The following PITPNC1 variants were observed in gnomAD, a reference collection of about 807,000 sequenced individuals.
The protein encoded by PITPNC1 is phosphatidylinositol transfer protein cytoplasmic 1, also known as cytoplasmic phosphatidylinositol transfer protein 1.
Under a neutral mutation model 44.7 loss-of-function variants are expected in PITPNC1, and 18 were observed. The ratio of observed to expected loss-of-function variants is 0.40; its 90% CI spans 0.28 to 0.60. The LOEUF (loss-of-function observed/expected upper bound fraction) is 0.60, where lower values mean the gene tolerates loss of function less well. Ranked by LOEUF, PITPNC1 falls within the 20% of genes least tolerant of loss-of-function variation. The pLI is 0.39. For missense variants in PITPNC1, 290 were observed against 418.4 expected, an observed-to-expected ratio of 0.69 and a Z score of 2.68; for synonymous variants, 141 against 149.6, an observed-to-expected ratio of 0.94 and a Z score of 0.42.
rs991766644 is a variant in PITPNC1 at position 67,511,634 on chromosome 17, G to A, written c.49-21168G>A. Among the ~76,000 whole-genome samples the A allele has an allele frequency of 2.0e-5, 3 of 152,030 alleles. No homozygotes were observed. The East Asian group carries it at 5.8e-4, about 29-fold the overall frequency. ...AGTGATTCTCCTGCTTCAGCCTCCC[G>A]AGTAGCTGGGATTACAGGCACTCAC... On this transcript the variant is annotated intron_variant, in intron 1 of 8. Coordinates refer to ENST00000581322, the MANE Select transcript of PITPNC1 (RefSeq NM_012417.4).
chr17:67,611,168 G>C (rs972561630), intron 5 of PITPNC1: 1 of 152,212 alleles, frequency 6.6e-6, no homozygotes, highest in African/African-American at 2.4e-5. Context: ...GATACTAGAA[G>C]AAGGTCTGAG....
intron 5 of PITPNC1, among the ~76,000 whole-genome samples, chr17:67,582,646 A>G (rs1470920185): frequency 6.6e-6 from 1 of 152,154 alleles, no homozygotes; most frequent in Admixed American, 6.5e-5. Flanking sequence ...TAAAACCAGT[A>G]TACGTATGAT....
chr17:67,424,304 A>G (rs1432768234), intron 1 of PITPNC1, among the ~76,000 whole-genome samples: 2 of 152,108 alleles, frequency 1.3e-5, no homozygotes, highest in African/African-American at 2.4e-5. Context: ...TGTAGGCACT[A>G]TGTCACCATC....
chr17:67,585,089 C>T (rs940266772), intron 5 of PITPNC1, among the ~76,000 whole-genome samples: 1 of 140,902 alleles, frequency 7.1e-6, no homozygotes, highest in Non-Finnish European at 1.5e-5. Flanking sequence ...GCACTCCAGA[C>T]TGAGCAACAA....
chr17:67,385,268 C>G (rs2038024882), intron 1 of PITPNC1, among the ~76,000 whole-genome samples: 1 of 152,192 alleles, frequency 6.6e-6, no homozygotes, highest in South Asian at 2.1e-4. Flanking sequence ...CTGTGGCTAG[C>G]TAGCGGTTTC....
chr17:67,486,681 A>G (rs1457599452), intron 1 of PITPNC1, among the ~76,000 whole-genome samples: 3 of 152,128 alleles, frequency 2.0e-5, no homozygotes. Flanking sequence ...GAATCTGTAG[A>G]CACATAACGA....
At chr17:67,431,062 C>CTT (rs6146118) in intron 1 of PITPNC1, among the ~76,000 whole-genome samples, 2,654 of 132,994 alleles carry the variant, frequency 0.02, 99 homozygotes, top group African/African-American at 0.051. Context: ...GTTACTGTTT[C>CTT]TTTTTTTTTT....
At chr17:67,448,660 T>A (rs1028531973) in intron 1 of PITPNC1, among the ~76,000 whole-genome samples, 1 of 152,230 alleles carries the variant, frequency 6.6e-6, no homozygotes, top group African/African-American at 2.4e-5. Flanking sequence ...CTTCCAGTCT[T>A]TCCTGTGGGC....
At chr17:67,471,753 A>G (rs566611523) in intron 1 of PITPNC1, among the ~76,000 whole-genome samples, 2 of 152,064 alleles carry the variant, frequency 1.3e-5, no homozygotes, top group East Asian at 2.0e-4. Context: ...ACTAATTATG[A>G]TACATTTATC....
chr17:67,576,352 G>T (rs779488417), intron 4 of PITPNC1, among the ~76,000 whole-genome samples: 1 of 152,094 alleles, frequency 6.6e-6, no homozygotes, highest in African/African-American at 2.4e-5. Flanking sequence ...TTTAAAGCAG[G>T]GGGGGATGGT....
intron 1 of PITPNC1, among the ~76,000 whole-genome samples, chr17:67,419,924 A>G (rs1416868959): frequency 1.3e-5 from 2 of 152,042 alleles, no homozygotes; most frequent in Non-Finnish European, 2.9e-5. Context: ...CTCAAAAAAA[A>G]AAAGAGAGAG....
chr17:67,599,080 A>T (rs1290454547), intron 5 of PITPNC1, among the ~76,000 whole-genome samples: 1 of 125,768 alleles, frequency 8.0e-6, no homozygotes, highest in Non-Finnish European at 1.6e-5. Context: ...CTGGTCTTGA[A>T]CTCCTGACTT....
intron 1 of PITPNC1, among the ~76,000 whole-genome samples, chr17:67,425,195 A>T (rs12449570): frequency 8.6e-6 from 1 of 116,484 alleles, no homozygotes. Context: ...GTGCGCGCGC[A>T]CGCACACGCA....
At position 67,459,208 on chromosome 17, in the gene PITPNC1, G is replaced by T. The variant is rs950486882; in HGVS notation, c.49-73594G>T. Among the ~76,000 whole-genome samples the T allele has an allele frequency of 2.8e-5, 4 of 142,586 alleles. No homozygotes were observed. The Admixed American group carries it at 3.0e-4, about 11-fold the overall frequency. The allele number at this position is 142,586 out of a possible 152,430, so 93.5% of individuals were successfully genotyped here. ...TCTTGGCTCACTGCATCCTCCGCCT[G>T]CCAGGTTCAAGCGATTCTCCTGCCT... On this transcript the variant is annotated intron_variant, in intron 1 of 8. Transcript: ENST00000581322.
At chr17:67,560,984 G>A (rs1399061038) in intron 4 of PITPNC1, among the ~76,000 whole-genome samples, 1 of 152,078 alleles carries the variant, frequency 6.6e-6, no homozygotes. Context: ...TTTTCCACTT[G>A]CAGTACTGAA....
intron 1 of PITPNC1, among the ~76,000 whole-genome samples, chr17:67,467,265 G>A (rs547615425): frequency 6.6e-6 from 1 of 152,048 alleles, no homozygotes; most frequent in Admixed American, 6.6e-5. Flanking sequence ...TGTTGGCCAG[G>A]CTGGTCTCGA....
At chr17:67,650,138 C>T (rs115387016) in intron 6 of PITPNC1, among the ~76,000 whole-genome samples, 59 of 152,300 alleles carry the variant, frequency 3.9e-4, no homozygotes, top group African/African-American at 1.3e-3. Context: ...GCTTGTTATG[C>T]ATCCCAAAAG....
At chr17:67,388,363 G>A (rs1359765167) in intron 1 of PITPNC1, among the ~76,000 whole-genome samples, 3 of 120,076 alleles carry the variant, frequency 2.5e-5, no homozygotes, top group Non-Finnish European at 5.0e-5. Flanking sequence ...TCTTGCTCTT[G>A]TTGCCCAGGC....
chr17:67,466,761 G>A (rs2039433608), intron 1 of PITPNC1, among the ~76,000 whole-genome samples: 1 of 152,140 alleles, frequency 6.6e-6, no homozygotes. Context: ...AGGAGTGCTT[G>A]GCCCTGGTGC....
Sources: gnomAD v4.1 joint callset for allele counts (sites outside exome capture counted in the v4.1 genomes callset) on GRCh38, gnomAD v4.1.1 for gene constraint, MANE v1.5 for transcripts, NCBI Gene and HGNC (gene_info 2026-07-23, HGNC 2026-07-21) for gene names.